ZNF783: variants seen among roughly 807,000 people sequenced by gnomAD.
The protein encoded by ZNF783 is zinc finger protein 783.
In ZNF783, 25 loss-of-function variants were observed where a neutral mutation model predicts 31.3. That is an observed-to-expected ratio of 0.80 (90% CI 0.58 to 1.11). ZNF783 has a LOEUF of 1.11. Among genes scored for constraint, ZNF783 ranks in the 50% most tolerant of loss-of-function variants. The pLI, the probability that ZNF783 is intolerant of heterozygous loss-of-function variation, is 0.00. For missense variants in ZNF783, 797 were observed against 760.0 expected, an observed-to-expected ratio of 1.05 and a Z score of -0.57; for synonymous variants, 369 against 319.1, an observed-to-expected ratio of 1.16 and a Z score of -1.66.
intron 5 of ZNF783, among the ~76,000 whole-genome samples, chr7:149,278,897 G>T (rs1461886900): frequency 6.6e-6 from 1 of 152,150 alleles, no homozygotes; most frequent in African/African-American, 2.4e-5. Flanking sequence ...CTAGCGCGGC[G>T]CCAGCATGGT....
At chr7:149,279,124 G>A (rs1362811681) in intron 5 of ZNF783, among the ~76,000 whole-genome samples, 1 of 152,230 alleles carries the variant, frequency 6.6e-6, no homozygotes, top group Non-Finnish European at 1.5e-5. Context: ...ACCTGGTCCT[G>A]CCGCTGGCCC....
Position 149,262,219 on chromosome 7 carries a change from G to A in ZNF783, c.-115G>A. ...TCGGGACGCAGTTCGCTGCCGCCCG[G>A]CAGTAGCTCTCAGGTTAGGCGGGTC... On this transcript the variant is annotated 5_prime_UTR_variant, in exon 1 of 6. Transcript: ENST00000434415. 5.1e-6 allele frequency: 5 copies of A among 970,958 alleles called. No homozygotes were observed. Among genetic ancestry groups the A allele is most frequent in the South Asian group, 2.7e-5 (1 of 36,456 alleles). 60.1% of individuals were successfully genotyped at this position (970,958 alleles called of 1,614,324 possible). A position where few individuals can be genotyped will look rare whatever the true frequency, so the allele number is the denominator to read the frequency against.
intron 4 of ZNF783, 149 bp downstream of exon 4, chr7:149,267,371 C>CACTCCTGCCCAGGG: frequency 9.0e-7 from 1 of 1,115,244 alleles, no homozygotes; most frequent in Non-Finnish European, 1.2e-6. Flanking sequence ...CAAGGCCACC[C>CACTCCTGCCCAGGG]TGGGCAGGAG....
intron 4 of ZNF783, among the ~76,000 whole-genome samples, chr7:149,267,729 G>A (rs1046852481): frequency 6.6e-6 from 1 of 152,144 alleles, no homozygotes; most frequent in Non-Finnish European, 1.5e-5. Flanking sequence ...CCCGGGAGGC[G>A]GAGTTTGCAA....
At chr7:149,263,290 GTGTGTGTGTGTGTGTA>G (rs1230444558) in intron 1 of ZNF783, among the ~76,000 whole-genome samples, 5 of 85,104 alleles carry the variant, frequency 5.9e-5, no homozygotes, top group South Asian at 4.3e-4. Flanking sequence ...GTGTGTGTGT[GTGTGTGTGTGTGTGTA>G]TATATATATA....
At chr7:149,268,546 A>G (rs1370163265) in intron 4 of ZNF783, among the ~76,000 whole-genome samples, 1 of 152,198 alleles carries the variant, frequency 6.6e-6, no homozygotes, top group Non-Finnish European at 1.5e-5. Flanking sequence ...ACATGGGTAT[A>G]TTGTGCCCAG....
At position 149,267,168 on chromosome 7, in the gene ZNF783, G is replaced by T. The variant is rs749127333; in HGVS notation, c.619G>T (p.Gly207Cys). ...AGAGGAGCCTTGTCTTGACCGGTGGGGCCAGGAGAAGGGGAATGAAGTAGA... is the reference window on the plus strand; with the variant it reads ...AGAGGAGCCTTGTCTTGACCGGTGGTGCCAGGAGAAGGGGAATGAAGTAGA... ...RGEEPCLDRW[G>C]QEKGNEVEVG... Residue 207 changes from glycine (G) to cysteine (C), a missense_variant, in exon 4 of 6, where the codon GGC becomes TGC. Physicochemically the swap from Gly to Cys is radical, Grantham distance 159. Coordinates refer to ENST00000434415, the MANE Select transcript of ZNF783 (RefSeq NM_001195220.2). The T allele has an allele frequency of 1.9e-6, 3 of 1,599,222 alleles. No individual in the cohort carries two copies. The highest frequency in any genetic ancestry group is 2.5e-6 in the Non-Finnish European group (3 of 1,179,734).
Position 149,281,494 on chromosome 7 carries a change from T to A in ZNF783, c.803-11T>A. The A allele has an allele frequency of 1.4e-6, 2 of 1,433,958 alleles. No homozygotes were observed. The highest frequency in any genetic ancestry group is 1.8e-6 in the Non-Finnish European group (2 of 1,100,096). The allele number at this position is 1,433,958 out of a possible 1,614,324, so 88.8% of individuals were successfully genotyped here. A position where few individuals can be genotyped will look rare whatever the true frequency, so the allele number is the denominator to read the frequency against. ...GGTCCACTTGGAAACCAACATAGACTCCTTTGCCAGGTGGTGGTGTGGCCA... is the reference window on the plus strand; with the variant it reads ...GGTCCACTTGGAAACCAACATAGACACCTTTGCCAGGTGGTGGTGTGGCCA... On this transcript the variant is annotated splice_polypyrimidine_tract_variant and intron_variant, in intron 5 of 5. Coordinates refer to ENST00000434415, the MANE Select transcript of ZNF783 (RefSeq NM_001195220.2).
At chr7:149,280,588 T>C (rs1797443498) in intron 5 of ZNF783, among the ~76,000 whole-genome samples, 1 of 152,308 alleles carries the variant, frequency 6.6e-6, no homozygotes, top group East Asian at 1.9e-4. Flanking sequence ...GGAAAGGCAC[T>C]GCATGAAAAC....
In ZNF783 at chr7:149,278,539, C is replaced by T; in HGVS notation, c.802+12C>T. ...CGGGCCAGAAGCAGGTGAGTGAGGA[C>T]AGTGAGGCGGCAGGATGAACAGTGT... On this transcript the variant is annotated intron_variant, in intron 5 of 5. Coordinates refer to ENST00000434415, the MANE Select transcript of ZNF783 (RefSeq NM_001195220.2). 1 of 1,599,130 alleles carries T rather than the reference C, an allele frequency of 6.3e-7. No homozygotes were observed. The highest frequency in any genetic ancestry group is 8.5e-7 in the Non-Finnish European group (1 of 1,179,684).
Position 149,281,929 on chromosome 7 carries a change from C to T in ZNF783, c.1227C>T (p.Leu409=). 1.9e-6 allele frequency: 3 copies of T among 1,538,836 alleles called. No homozygotes were observed. Among genetic ancestry groups the T allele is most frequent in the East Asian group, 2.3e-5 (1 of 43,298 alleles). The stretch of plus-strand genomic sequence containing the variant: ...TACCCGGCCCTGTCATCCGCTGGCT[C>T]CCCGAGGAGCCTGAGGGTCGCCGCT... ...VVVPGPVIRW[L]PEEPEGRRSV... The change falls in exon 6 of 6, where the codon CTC becomes CTT. Residue 409 remains leucine (L), a synonymous_variant. Coordinates refer to ENST00000434415, the MANE Select transcript of ZNF783 (RefSeq NM_001195220.2).
chr7:149,280,310 C>T (rs931563907), intron 5 of ZNF783, among the ~76,000 whole-genome samples: 2 of 152,212 alleles, frequency 1.3e-5, no homozygotes, highest in Admixed American at 1.3e-4. Context: ...GAGTCTCCAA[C>T]CTTCCCCACC....
intron 1 of ZNF783, among the ~76,000 whole-genome samples, chr7:149,264,658 A>G (rs1181826631): frequency 6.6e-6 from 1 of 152,110 alleles, no homozygotes; most frequent in Admixed American, 6.5e-5. Flanking sequence ...GCGGATCACA[A>G]GGTCAGGAGT....
At position 149,266,354 on chromosome 7, in the gene ZNF783, A is replaced by G. The variant is rs1180299374; in HGVS notation, c.44A>G (p.His15Arg). The G allele has an allele frequency of 6.3e-7, 1 of 1,591,110 alleles. No homozygotes were observed. Among genetic ancestry groups the G allele is most frequent in the East Asian group, 2.2e-5 (1 of 44,738 alleles). The change falls in exon 2 of 6, where the codon CAC (histidine) becomes CGC (arginine). Residue 15 changes from histidine to arginine, a missense_variant. By Grantham distance (29) the His-to-Arg change is conservative (BLOSUM62 0). Coordinates refer to ENST00000434415, the MANE Select transcript of ZNF783 (RefSeq NM_001195220.2). Reference sequence around the variant, plus strand: ...GAGCAGGACCCCGAGACAGACAAGCACACAGAGGACCAGAGTCCTTCGACA... The same window carrying G: ...GAGCAGGACCCCGAGACAGACAAGCGCACAGAGGACCAGAGTCCTTCGACA... ...APARDPETDK[H>R]TEDQSPSTPL...
At chr7:149,273,057 A>G (rs1378813976) in intron 4 of ZNF783, among the ~76,000 whole-genome samples, 1 of 152,122 alleles carries the variant, frequency 6.6e-6, no homozygotes, top group Non-Finnish European at 1.5e-5. Context: ...AGTTCCACCC[A>G]TGTTGTTGCA....
chr7:149,273,093 A>C (rs1797244787), intron 4 of ZNF783, among the ~76,000 whole-genome samples: 1 of 152,148 alleles, frequency 6.6e-6, no homozygotes, highest in African/African-American at 2.4e-5. Flanking sequence ...TTCTTTTTTT[A>C]TAGCTGAGTA....
At chr7:149,277,754 A>G (rs1466130051) in intron 4 of ZNF783, 1 of 151,616 alleles carries the variant, frequency 6.6e-6, no homozygotes, top group Non-Finnish European at 1.5e-5. Flanking sequence ...AAAAAAAAAA[A>G]ATTCAAAAAA....
intron 5 of ZNF783, among the ~76,000 whole-genome samples, chr7:149,280,524 T>G (rs1023990382): frequency 3.3e-5 from 5 of 152,150 alleles, no homozygotes; most frequent in Non-Finnish European, 5.9e-5. Flanking sequence ...GGGACCCAGA[T>G]CAGTCTGGGG....
chr7:149,278,455 C>G lies in ZNF783; in HGVS notation c.730C>G (p.Leu244Val), dbSNP rs1038325883. 1 of 1,599,298 alleles carries G rather than the reference C, an allele frequency of 6.3e-7. No individual in the cohort carries two copies. Among genetic ancestry groups the G allele is most frequent in the Non-Finnish European group, 8.5e-7 (1 of 1,179,758 alleles). ...TSPLSPAQEELKEGQAPKQQQ... is the reference protein window; with the variant it reads ...TSPLSPAQEEVKEGQAPKQQQ... ...CCCACTTAGCCCTGCCCAGGAGGAG[C>G]TGAAAGAAGGGCAGGCCCCCAAGCA... The change falls in exon 5 of 6, where the codon CTG (leucine) becomes GTG (valine). Residue 244 changes from leucine to valine, a missense_variant. By Grantham distance (32) the Leu-to-Val change is conservative. Coordinates refer to ENST00000434415, the MANE Select transcript of ZNF783 (RefSeq NM_001195220.2).
Sources: allele counts gnomAD v4.1 joint callset (sites outside exome capture counted in the v4.1 genomes callset), GRCh38; gene constraint gnomAD v4.1.1; transcripts MANE v1.5; gene names NCBI Gene and HGNC (gene_info 2026-07-23, HGNC 2026-07-21).